COLEC12: variants seen among roughly 807,000 people sequenced by gnomAD.
COLEC12 encodes the protein collectin-12.
A neutral mutation model predicts 71.1 loss-of-function variants in COLEC12; 33 were observed. That is an observed-to-expected ratio of 0.46 (90% CI 0.35 to 0.62). The LOEUF (loss-of-function observed/expected upper bound fraction) is 0.62. Ranked by LOEUF, COLEC12 falls within the 20% of genes least tolerant of loss-of-function variation. The pLI is 0.00. For synonymous variants in COLEC12, 350 were observed against 353.0 expected (o/e 0.99, Z 0.10); for missense variants, 765 against 916.1 (o/e 0.84, Z 2.13).
intron 2 of COLEC12, among the ~76,000 whole-genome samples, chr18:453,717 C>T (rs1032915247): frequency 1.3e-5 from 2 of 152,214 alleles, no homozygotes; most frequent in African/African-American, 2.4e-5. Flanking sequence ...CAGATCCAGA[C>T]TCATGCAATT....
At chr18:435,498 G>C (rs2621181) in intron 2 of COLEC12, among the ~76,000 whole-genome samples, 135,160 of 152,186 alleles carry the variant, frequency 0.89, 60,837 homozygotes, top group East Asian at 1. Context: ...ATTACCTCCA[G>C]CTGGTCCCAC....
chr18:452,639 C>T (rs543193515), intron 2 of COLEC12, among the ~76,000 whole-genome samples: 10 of 152,272 alleles, frequency 6.6e-5, no homozygotes, highest in Middle Eastern at 3.4e-3. Flanking sequence ...TGTGGGAGGA[C>T]GAAAGATCAG....
At chr18:432,917 T>C (rs1916332898) in intron 2 of COLEC12, among the ~76,000 whole-genome samples, 1 of 152,234 alleles carries the variant, frequency 6.6e-6, no homozygotes, top group Non-Finnish European at 1.5e-5. Context: ...ATTAGGTTCT[T>C]GTCTCTTTTT....
chr18:368,140 T>C (rs537782225), intron 2 of COLEC12, among the ~76,000 whole-genome samples: 2 of 152,240 alleles, frequency 1.3e-5, no homozygotes. Flanking sequence ...TGCCTTTATA[T>C]GGAGTTTAGA....
intron 2 of COLEC12, among the ~76,000 whole-genome samples, 162 bp from the exon 3 acceptor site, chr18:357,684 T>C (rs1443745029): frequency 1.3e-5 from 2 of 152,254 alleles, no homozygotes; most frequent in Non-Finnish European, 2.9e-5. Context: ...TTGAGCAACA[T>C]AAGCACTTCA....
Position 334,730 on chromosome 18 carries a change from G to A in COLEC12, c.1816+12C>T, listed in dbSNP as rs189496320. The A allele has an allele frequency of 7.9e-5, 115 of 1,463,932 alleles. 1 individual carries two copies. In the Middle Eastern group the frequency reaches 2.0e-3, roughly 25 times the overall value. 90.7% of individuals were successfully genotyped at this position (1,463,932 alleles called of 1,614,324 possible). On this transcript the variant is annotated intron_variant, in intron 6 of 9. Transcript: ENST00000400256. ...CCCTGTCCCCCTGGCTGGAGGGAGG[G>A]CTTGGACTTACCATTGTCCTCCGGT...
At chr18:429,681 C>T (rs1325053814) in intron 2 of COLEC12, among the ~76,000 whole-genome samples, 1 of 152,152 alleles carries the variant, frequency 6.6e-6, no homozygotes, top group Non-Finnish European at 1.5e-5. Context: ...TGTGCCTGGC[C>T]TCATGTAATT....
intron 2 of COLEC12, among the ~76,000 whole-genome samples, chr18:361,840 C>T (rs1023114015): frequency 3.9e-5 from 6 of 152,100 alleles, no homozygotes; most frequent in Admixed American, 1.3e-4. Flanking sequence ...GGCTGATGGG[C>T]GGGTTTATTC....
intron 2 of COLEC12, among the ~76,000 whole-genome samples, chr18:366,959 C>T (rs1221162681): frequency 1.3e-5 from 2 of 152,200 alleles, no homozygotes; most frequent in African/African-American, 4.8e-5. Context: ...GCCTCAAACC[C>T]GCTGGAGGTA....
chr18:486,287 G>A, intron 1 of COLEC12, among the ~76,000 whole-genome samples: 1 of 146,572 alleles, frequency 6.8e-6, no homozygotes, highest in South Asian at 2.1e-4. Flanking sequence ...CCAGGTTCAA[G>A]CAATCCTCCC....
At chr18:485,173 G>T (rs1254362670) in intron 1 of COLEC12, among the ~76,000 whole-genome samples, 1 of 152,186 alleles carries the variant, frequency 6.6e-6, no homozygotes, top group Non-Finnish European at 1.5e-5. Flanking sequence ...AGCTCAATGT[G>T]TTGTATCCCA....
intron 5 of COLEC12, among the ~76,000 whole-genome samples, chr18:344,796 G>A (rs1225469638): frequency 6.6e-6 from 1 of 152,166 alleles, no homozygotes; most frequent in African/African-American, 2.4e-5. Context: ...TACTTCATTT[G>A]ATTGACATCT....
At chr18:323,037 C>T (rs901452941) in intron 8 of COLEC12, among the ~76,000 whole-genome samples, 13 of 152,134 alleles carry the variant, frequency 8.5e-5, no homozygotes, top group Non-Finnish European at 1.9e-4. Context: ...CCAGCCTGGC[C>T]AACATGGCGA....
intron 2 of COLEC12, among the ~76,000 whole-genome samples, chr18:440,309 A>T (rs1377203619): frequency 2.6e-5 from 4 of 151,764 alleles, no homozygotes; most frequent in Non-Finnish European, 5.9e-5. Context: ...AGTTAATAAT[A>T]CTATAGTATA....
rs780656160 is a variant in COLEC12, at chr18:327,360, T to C, written c.2063+4308A>G. Among the ~76,000 whole-genome samples the C allele has an allele frequency of 4.0e-4, 61 of 152,316 alleles. No individual in the cohort carries two copies. The highest frequency in any genetic ancestry group is 6.3e-4 in the African/African-American group (26 of 41,566). The stretch of plus-strand genomic sequence containing the variant: ...GGCCCTGCCAGTCTTTCTTTTGAAA[T>C]TGTATTGGTGTGTGGATCCAAAGCA... On this transcript the variant is annotated intron_variant, in intron 8 of 9. Transcript: ENST00000400256. The surrounding 1 kb of genome is among the most constrained non-coding windows in gnomAD (Gnocchi z 4.0).
intron 1 of COLEC12, among the ~76,000 whole-genome samples, chr18:481,705 C>CA (rs903196876): frequency 3.5e-4 from 50 of 144,372 alleles, no homozygotes; most frequent in African/African-American, 9.4e-4. Flanking sequence ...ACTACACCTC[C>CA]AAAAAAAAAA....
chr18:350,938 C>T (rs1598334942), intron 3 of COLEC12, among the ~76,000 whole-genome samples: 2 of 123,872 alleles, frequency 1.6e-5, no homozygotes, highest in African/African-American at 3.1e-5. Context: ...CCAGCCTGGG[C>T]AACAGAGCGA....
intron 9 of COLEC12, among the ~76,000 whole-genome samples, chr18:320,401 C>T (rs1374145587): frequency 5.3e-5 from 8 of 152,154 alleles, no homozygotes; most frequent in Admixed American, 5.2e-4. Flanking sequence ...TTTTCCCCCT[C>T]AACTGACCCA....
At chr18:345,614 T>C (rs561416603) in intron 5 of COLEC12, among the ~76,000 whole-genome samples, 1 of 152,366 alleles carries the variant, frequency 6.6e-6, no homozygotes, top group East Asian at 1.9e-4. Context: ...ACTCATGACA[T>C]GTAACTCCCT....
Sources: gnomAD v4.1 joint callset for allele counts (sites outside exome capture counted in the v4.1 genomes callset) on GRCh38, gnomAD v4.1.1 for gene constraint, Gnocchi (gnomAD v3.1) non-coding constraint, MANE v1.5 for transcripts, NCBI Gene and HGNC (gene_info 2026-07-23, HGNC 2026-07-21) for gene names.